Variants in DNAH7 observed in about 807,000 individuals in gnomAD.
DNAH7 encodes axonemal beta dynein heavy chain 7.
In DNAH7, 397 loss-of-function variants were observed where a neutral mutation model predicts 444.6. The ratio of observed to expected loss-of-function variants is 0.89; its 90% CI spans 0.82 to 0.97. DNAH7 has a LOEUF of 0.97. Among genes scored for constraint, DNAH7 ranks in the 50% least tolerant of loss-of-function variants. The pLI is 0.00. For missense variants in DNAH7, 4,902 were observed against 4,800.8 expected, an observed-to-expected ratio of 1.02 and a Z score of -0.62; for synonymous variants, 1,636 against 1,624.4, an observed-to-expected ratio of 1.01 and a Z score of -0.17.
intron 23 of DNAH7, among the ~76,000 whole-genome samples, chr2:195,923,184 C>T (rs550930650): frequency 6.2e-4 from 94 of 152,012 alleles, no homozygotes; most frequent in Non-Finnish European, 1.1e-3. Context: ...ACTTTAATGA[C>T]TAAATCAGAC....
At chr2:195,799,168 T>C (rs1419536034) in intron 55 of DNAH7, 128 bp downstream of exon 55, 1 of 776,270 alleles carries the variant, frequency 1.3e-6, no homozygotes, top group East Asian at 3.0e-5. Context: ...TGGGATTCTG[T>C]CAACTTGTGA....
chr2:195,932,713 G>C (rs1357195968), intron 21 of DNAH7, among the ~76,000 whole-genome samples: 2 of 152,086 alleles, frequency 1.3e-5, no homozygotes, highest in Admixed American at 1.3e-4. Context: ...TTATATGCTG[G>C]ATTACATTTA....
intron 12 of DNAH7, among the ~76,000 whole-genome samples, chr2:195,990,233 G>A (rs568299506): frequency 9.9e-5 from 15 of 152,158 alleles, no homozygotes; most frequent in African/African-American, 2.6e-4. Context: ...TCTTTAATCC[G>A]CTTTGAGGTG....
Position 196,003,949 on chromosome 2 carries a change from C to T in DNAH7, c.990-2091G>A, listed in dbSNP as rs532909989. On this transcript the variant is annotated intron_variant, in intron 10 of 64. Coordinates refer to ENST00000312428, the MANE Select transcript of DNAH7 (RefSeq NM_018897.3). ...GTTAAAAGGGGGAACAAAGAGCCTT[C>T]AAACTTAGTCCACAGATGGATTTTT... Among the ~76,000 whole-genome samples, 135 of 152,250 alleles carry T rather than the reference C, an allele frequency of 8.9e-4. 1 individual carries two copies. The highest frequency in any genetic ancestry group is 6.8e-3 in the Middle Eastern group (2 of 292).
intron 58 of DNAH7, among the ~76,000 whole-genome samples, chr2:195,783,885 C>G (rs1381831204): frequency 5.9e-5 from 9 of 152,068 alleles, no homozygotes; most frequent in African/African-American, 1.9e-4. Context: ...AAATCACTCA[C>G]AGTTAACCAA....
At chr2:196,056,566 C>A (rs78049172) in intron 2 of DNAH7, among the ~76,000 whole-genome samples, 5,666 of 152,170 alleles carry the variant, frequency 0.037, 160 homozygotes, top group Middle Eastern at 0.061. Context: ...TCCCCAGGAA[C>A]AATCTTTCAC....
In DNAH7 at chr2:195,861,939, G is replaced by A. The variant is rs1700040822; in HGVS notation, c.7514C>T (p.Pro2505Leu). ...CCTIDWFQSW[P>L]EDALQAVASR... ...GGCAACTGCCTGGAGTGCATCTTCAGGCCATGACTAAATGTAAGATAAATG... is the reference window on the plus strand; with the variant it reads ...GGCAACTGCCTGGAGTGCATCTTCAAGCCATGACTAAATGTAAGATAAATG... Residue 2505 changes from proline (P) to leucine (L), a missense_variant, in exon 42 of 65, where the codon CCT becomes CTT. Physicochemically the swap from Pro to Leu is moderately conservative, Grantham distance 98 (BLOSUM62 -3). Transcript: ENST00000312428. 6.2e-7 allele frequency: 1 copy of A among 1,611,348 alleles called. No individual in the cohort carries two copies. Among genetic ancestry groups the A allele is most frequent in the Admixed American group, 1.7e-5 (1 of 59,922 alleles).
intron 24 of DNAH7, among the ~76,000 whole-genome samples, chr2:195,915,882 C>A (rs1305440589): frequency 6.6e-6 from 1 of 152,232 alleles, no homozygotes; most frequent in Non-Finnish European, 1.5e-5. Context: ...TACATGAGAG[C>A]TCTGAATTGA....
intron 12 of DNAH7, among the ~76,000 whole-genome samples, chr2:195,988,770 C>G (rs1372554707): frequency 6.6e-6 from 1 of 152,072 alleles, no homozygotes; most frequent in Non-Finnish European, 1.5e-5. Context: ...TGCAATAGAA[C>G]ACCAGAACTT....
At position 195,888,312 on chromosome 2, in the gene DNAH7, G is replaced by A. The variant is rs980808164; in HGVS notation, c.5352C>T (p.Gly1784=). Residue 1784 remains glycine, a synonymous_variant, in exon 33 of 65, where the codon GGC becomes GGT. Coordinates refer to ENST00000312428, the MANE Select transcript of DNAH7 (RefSeq NM_018897.3). ...VSVIQKEFIM[G]LFDRMVPVSV... is the part of the protein sequence containing the mutation. Reference sequence around the variant, plus strand: ...AAACAGGGACCATTCTGTCAAATAAGCCCATTATGAATTCCTTTTGAATAA... The same window carrying A: ...AAACAGGGACCATTCTGTCAAATAAACCCATTATGAATTCCTTTTGAATAA... The A allele has an allele frequency of 6.2e-7, 1 of 1,610,820 alleles. No individual in the cohort carries two copies. Among genetic ancestry groups the A allele is most frequent in the Non-Finnish European group, 8.5e-7 (1 of 1,178,714 alleles).
intron 44 of DNAH7, among the ~76,000 whole-genome samples, chr2:195,856,381 C>T (rs1450921024): frequency 1.3e-5 from 2 of 152,058 alleles, no homozygotes; most frequent in Admixed American, 1.3e-4. Context: ...TAGAATACAT[C>T]AACCAAAAAC....
Position 195,853,372 on chromosome 2 carries a change from G to A in DNAH7, c.8752C>T (p.Leu2918Phe). The A allele has an allele frequency of 6.2e-7, 1 of 1,614,026 alleles. No individual in the cohort carries two copies. Reference sequence around the variant, plus strand: ...CTATAGGTGGATGTGAAGGCTCCGAGGTAAGCAACCACTCCGGAGGAAATG... The same window carrying A: ...CTATAGGTGGATGTGAAGGCTCCGAAGTAAGCAACCACTCCGGAGGAAATG... The part of the protein sequence containing the change: ...ILISSGVVAY[L>F]GAFTSTYRQN... Residue 2918 changes from leucine (L) to phenylalanine (F), a missense_variant, in exon 46 of 65, where the codon CTC becomes TTC. Transcript: ENST00000312428.
intron 63 of DNAH7, among the ~76,000 whole-genome samples, chr2:195,741,507 T>C (rs895043941): frequency 2.6e-5 from 4 of 152,216 alleles, no homozygotes; most frequent in African/African-American, 4.8e-5. Flanking sequence ...TAAAGCCTCA[T>C]GGATTGGAGT....
intron 31 of DNAH7, among the ~76,000 whole-genome samples, chr2:195,891,068 G>A (rs982097017): frequency 2.6e-5 from 4 of 152,122 alleles, no homozygotes; most frequent in Admixed American, 6.5e-5. Flanking sequence ...TATGGGAGTG[G>A]GCAGCAGAAT....
At chr2:195,922,864 A>ATT (rs146731861) in intron 23 of DNAH7, among the ~76,000 whole-genome samples, 1 of 146,908 alleles carries the variant, frequency 6.8e-6, no homozygotes, top group African/African-American at 2.5e-5. Context: ...AATTAGAGGA[A>ATT]TTTTTTTTTT....
chr2:195,949,747 A>C (rs1490656926), intron 19 of DNAH7, among the ~76,000 whole-genome samples: 3 of 152,208 alleles, frequency 2.0e-5, no homozygotes, highest in African/African-American at 7.2e-5. Context: ...GGTTTGTCAT[A>C]AATACATTAT....
chr2:196,058,909 C>T (rs1697979891), intron 1 of DNAH7, among the ~76,000 whole-genome samples: 1 of 152,180 alleles, frequency 6.6e-6, no homozygotes, highest in Non-Finnish European at 1.5e-5. Flanking sequence ...GGCAGACTCA[C>T]ACTTCGAGAT....
At chr2:195,852,259 AAAAC>A (rs148313988) in intron 46 of DNAH7, among the ~76,000 whole-genome samples, 6,638 of 152,070 alleles carry the variant, frequency 0.044, 465 homozygotes, top group African/African-American at 0.15. Flanking sequence ...CTCCTTCTCA[AAAAC>A]AAACAAACAA....
chr2:195,752,087 A>G (rs1028358497), intron 63 of DNAH7, among the ~76,000 whole-genome samples: 1 of 152,124 alleles, frequency 6.6e-6, no homozygotes, highest in African/African-American at 2.4e-5. Flanking sequence ...CCTGGACAAC[A>G]CAGGGAGACC....
Sources: allele counts gnomAD v4.1 joint callset (sites outside exome capture counted in the v4.1 genomes callset), GRCh38; gene constraint gnomAD v4.1.1; transcripts MANE v1.5; gene names NCBI Gene and HGNC (gene_info 2026-07-23, HGNC 2026-07-21).